Variants in NEB observed in about 807,000 individuals in gnomAD.
NEB encodes the protein nemaline myopathy type 2.
A neutral mutation model predicts 952.2 loss-of-function variants in NEB; 512 were observed. The observed-to-expected ratio is 0.54, with a 90% CI of 0.50 to 0.58. NEB has a LOEUF of 0.58. Among genes scored for constraint, NEB ranks in the 20% least tolerant of loss-of-function variants. The pLI is 0.00. For synonymous variants in NEB, 2,900 were observed against 3,149.8 expected, an observed-to-expected ratio of 0.92 and a Z score of 2.66; for missense variants, 8,428 against 9,231.1, an observed-to-expected ratio of 0.91 and a Z score of 3.56.
At chr2:151,565,842 T>C (rs951078302) in intron 114 of NEB, 22 bp from the exon 115 acceptor site, 1 of 1,528,212 alleles carries the variant, frequency 6.5e-7, no homozygotes, top group African/African-American at 1.4e-5. Context: ...AAGAGAGATA[T>C]AATGGAGGAA....
chr2:151,644,259 T>G, intron 56 of NEB, 130 bp from the exon 57 acceptor site: 6 of 1,328,668 alleles, frequency 4.5e-6, no homozygotes, highest in Non-Finnish European at 6.2e-6. Context: ...AGTCTTTTGA[T>G]AAGAAAGATT....
rs1160820934 is a variant in NEB, at chr2:151,502,421, A to C, written c.23928+372T>G. ...AAAAACTTAAAAGCTGCAAACATAA[A>C]GAATACATTAAACAGCCACAATAAA... On this transcript the variant is annotated intron_variant, in intron 167 of 181. Coordinates refer to ENST00000397345, the MANE Select transcript of NEB (RefSeq NM_001164508.2). 3.3e-5 allele frequency among the ~76,000 whole-genome samples: 5 copies of C among 152,104 alleles called. No individual in the cohort carries two copies. In the East Asian group the frequency reaches 9.6e-4, roughly 29 times the overall value.
chr2:151,732,411 A>T lies in NEB; in HGVS notation c.36+710T>A, dbSNP rs750788670. 2.4e-4 allele frequency among the ~76,000 whole-genome samples: 37 copies of T among 152,330 alleles called. No homozygotes were observed. In the Middle Eastern group the frequency reaches 0.014, roughly 56 times the overall value. On this transcript the variant is annotated intron_variant, in intron 3 of 181. Coordinates refer to ENST00000397345, the MANE Select transcript of NEB (RefSeq NM_001164508.2). ...TTAACAGCTTTGTAAAATGTGTTAG[A>T]TGTCCACTAATAATTGGAAGGAAAA...
intron 65 of NEB, 123 bp downstream of exon 65, chr2:151,633,531 G>T: frequency 7.5e-7 from 1 of 1,325,950 alleles, no homozygotes; most frequent in Non-Finnish European, 1.0e-6. Context: ...ATTGTATTCT[G>T]ATTTAAATCT....
chr2:151,518,192 C>A, intron 156 of NEB, 126 bp downstream of exon 156: 1 of 734,344 alleles, frequency 1.4e-6, no homozygotes, highest in Non-Finnish European at 2.5e-6. Flanking sequence ...AAAAAGTTAC[C>A]AGATTCAAAA....
intron 13 of NEB, among the ~76,000 whole-genome samples, chr2:151,704,709 T>G (rs1278896610): frequency 6.6e-6 from 1 of 152,220 alleles, no homozygotes; most frequent in African/African-American, 2.4e-5. Flanking sequence ...TGCCTCGCCC[T>G]GCTTCGGCTC....
At chr2:151,680,598 G>A (rs1325164229) in intron 30 of NEB, 132 bp downstream of exon 30, 5 of 615,020 alleles carry the variant, frequency 8.1e-6, no homozygotes, top group Admixed American at 2.9e-5. Flanking sequence ...AACAGCTGGG[G>A]AATTCTACAG....
Position 151,524,367 on chromosome 2 carries a change from T to C in NEB, c.22423A>G (p.Met7475Val). The C allele has an allele frequency of 6.2e-7, 1 of 1,613,978 alleles. No individual in the cohort carries two copies. The highest frequency in any genetic ancestry group is 8.5e-7 in the Non-Finnish European group (1 of 1,179,874). The stretch of plus-strand genomic sequence containing the variant: ...ATTTCTATGTCTGGGCGACCGAGCA[T>C]GCTTAAGCCATGGCTGCCTTCCTTG... ...HRKEGSHGLSMLGRPDIEMAK... is the reference protein window; with the variant it reads ...HRKEGSHGLSVLGRPDIEMAK... Residue 7475 changes from methionine to valine, a missense_variant, in exon 153 of 182, where the codon ATG becomes GTG. By Grantham distance (21) the Met-to-Val change is conservative. Around this residue, in one of 11 missense-constraint regions of NEB, gnomAD observed 3,374 missense variants for 3,651.5 expected, o/e 0.92. Transcript: ENST00000397345.
Position 151,563,916 on chromosome 2 carries a change from C to T in NEB, c.18486G>A (p.Gly6162=), listed in dbSNP as rs1172748464. The T allele has an allele frequency of 1.9e-6, 3 of 1,608,002 alleles. No homozygotes were observed. The South Asian group carries it at 3.3e-5, about 18-fold the overall frequency. The change falls in exon 118 of 182, where the codon GGG becomes GGA. Residue 6162 remains glycine, a synonymous_variant. Coordinates refer to ENST00000397345, the MANE Select transcript of NEB (RefSeq NM_001164508.2). ...CATAGGCCTTGGTGCCCTCCCACGCCCCTTTATACAGTATCTAGAACAAAG... is the reference window on the plus strand; with the variant it reads ...CATAGGCCTTGGTGCCCTCCCACGCTCCTTTATACAGTATCTAGAACAAAG... ...GKLYSTILYK[G]AWEGTKAYGY...
At chr2:151,705,828 A>G (rs564376832) in intron 13 of NEB, among the ~76,000 whole-genome samples, 42 of 152,322 alleles carry the variant, frequency 2.8e-4, no homozygotes, top group African/African-American at 1.0e-3. Context: ...GGAATGAAAA[A>G]CCAAATATCA....
intron 73 of NEB, 92 bp from the exon 74 acceptor site, chr2:151,618,570 C>T (rs894084197): frequency 4.4e-5 from 53 of 1,194,930 alleles, no homozygotes; most frequent in Admixed American, 3.0e-4. Flanking sequence ...ACAAAAATAC[C>T]GATGAATAGT....
intron 65 of NEB, among the ~76,000 whole-genome samples, chr2:151,632,938 G>T (rs2098698728): frequency 6.6e-6 from 1 of 152,212 alleles, no homozygotes; most frequent in Non-Finnish European, 1.5e-5. Context: ...ACAGGGTTCT[G>T]TATGTCAGAA....
chr2:151,569,211 G>T, intron 110 of NEB, 57 bp downstream of exon 110: 2 of 1,377,226 alleles, frequency 1.5e-6, no homozygotes, highest in African/African-American at 1.4e-5. Flanking sequence ...TTTAGCTTGT[G>T]CATTTTGTCA....
rs749557861 is a variant in NEB, at chr2:151,733,152, G to T, written c.5C>A (p.Ala2Glu). 1 of 1,604,154 alleles carries T rather than the reference G, an allele frequency of 6.2e-7. No homozygotes were observed. Among genetic ancestry groups the T allele is most frequent in the Admixed American group, 1.7e-5 (1 of 59,182 alleles). ...CACCTCCTCATAGTCTTCGTCATCT[G>T]CCATTTTTCCAGAGTAGTAGTGGCA... is the stretch of plus-strand genomic sequence containing the variant. M[A>E]DDEDYEEVVE... Residue 2 changes from alanine (A) to glutamate (E), a missense_variant, in exon 3 of 182, where the codon GCA (alanine) becomes GAA (glutamate). By Grantham distance (107) the Ala-to-Glu change is moderately radical. Around this residue, in one of 11 missense-constraint regions of NEB, gnomAD observed 2,851 missense variants for 2,791.5 expected, o/e 1.02. Transcript: ENST00000397345.
At chr2:151,722,890 C>G (rs1176157427) in intron 9 of NEB, among the ~76,000 whole-genome samples, 12 of 152,116 alleles carry the variant, frequency 7.9e-5, no homozygotes, top group Admixed American at 7.9e-4. Context: ...GTCCCACACA[C>G]AGAAAAAGGG....
chr2:151,671,857 T>TG (rs1422621699), intron 37 of NEB, among the ~76,000 whole-genome samples: 6 of 152,234 alleles, frequency 3.9e-5, no homozygotes, highest in Non-Finnish European at 7.3e-5. Context: ...GGAGAGGCTC[T>TG]GAATGTTAAA....
At chr2:151,512,149 G>T (rs541884259) in intron 161 of NEB, among the ~76,000 whole-genome samples, 68 of 149,492 alleles carry the variant, frequency 4.5e-4, no homozygotes, top group African/African-American at 1.6e-3. Context: ...TCCTGCCTCA[G>T]CCTCCCAAGT....
chr2:151,618,006 G>A (rs1332301729), intron 74 of NEB, among the ~76,000 whole-genome samples: 1 of 152,138 alleles, frequency 6.6e-6, no homozygotes, highest in African/African-American at 2.4e-5. Flanking sequence ...GTTGCAGTGA[G>A]CCAAGATCGT....
At chr2:151,631,961 C>G (rs1426272184) in intron 65 of NEB, among the ~76,000 whole-genome samples, 5 of 152,068 alleles carry the variant, frequency 3.3e-5, no homozygotes, top group Non-Finnish European at 5.9e-5. Flanking sequence ...TAAAATATAA[C>G]AGTGCTGTAG....
Sources: gnomAD v4.1 joint callset for allele counts (sites outside exome capture counted in the v4.1 genomes callset) on GRCh38, gnomAD v4.1.1 for gene constraint, gnomAD v4.1.1 regional missense constraint, MANE v1.5 for transcripts, NCBI Gene and HGNC (gene_info 2026-07-23, HGNC 2026-07-21) for gene names.